The following DPP10 variants were observed in gnomAD, a reference collection of about 807,000 sequenced individuals.
DPP10 encodes inactive dipeptidyl peptidase 10.
DPP10 carries 33 observed loss-of-function variants against 120.9 expected under a neutral mutation model. The observed-to-expected ratio is 0.27, with a 90% CI of 0.21 to 0.37. The LOEUF (loss-of-function observed/expected upper bound fraction) is 0.37, where lower values mean the gene tolerates loss of function less well. Among genes scored for constraint, DPP10 ranks in the 10% least tolerant of loss-of-function variants. DPP10 has a pLI of 1.00. For synonymous variants in DPP10, 337 were observed against 326.1 expected, an observed-to-expected ratio of 1.03 and a Z score of -0.36; for missense variants, 816 against 942.8, an observed-to-expected ratio of 0.87 and a Z score of 1.76.
intron 1 of DPP10, among the ~76,000 whole-genome samples, chr2:114,747,686 TC>T (rs899872796): frequency 2.6e-5 from 4 of 152,234 alleles, no homozygotes; most frequent in African/African-American, 9.6e-5. Flanking sequence ...GTTTGTTCTT[TC>T]TTCTCTGGAT....
rs1235496342 is a variant in DPP10, at chr2:114,641,816, T to C, written c.60+198978T>C. ...TCAAATTATATTTTGTCTTTTTTTA[T>C]ACTGCTTATAGATCATAATTAAATA... On this transcript the variant is annotated intron_variant, in intron 1 of 25. Coordinates refer to ENST00000410059, the MANE Select transcript of DPP10 (RefSeq NM_020868.6). 2.6e-5 allele frequency among the ~76,000 whole-genome samples: 4 copies of C among 151,984 alleles called. No homozygotes were observed. In the East Asian group the frequency reaches 7.7e-4, roughly 29 times the overall value.
chr2:114,999,586 G>C (rs1701307311), intron 1 of DPP10, among the ~76,000 whole-genome samples: 1 of 152,050 alleles, frequency 6.6e-6, no homozygotes, highest in South Asian at 2.1e-4. Flanking sequence ...CTCACCTCCT[G>C]TCCTTTCTTA....
chr2:115,299,413 G>T (rs1454357246), intron 1 of DPP10, among the ~76,000 whole-genome samples: 1 of 151,962 alleles, frequency 6.6e-6, no homozygotes, highest in African/African-American at 2.4e-5. Context: ...GGCTTCAGCA[G>T]TGAAAGGATT....
chr2:114,900,472 A>G (rs191983980), intron 1 of DPP10, among the ~76,000 whole-genome samples: 1 of 152,330 alleles, frequency 6.6e-6, no homozygotes, highest in African/African-American at 2.4e-5. Flanking sequence ...AGGAAATTGA[A>G]CACATATTTA....
intron 13 of DPP10, 39 bp downstream of exon 13, chr2:115,768,443 C>T: frequency 3.8e-6 from 6 of 1,569,076 alleles, no homozygotes; most frequent in Middle Eastern, 1.7e-4. Context: ...ATTTCATTGT[C>T]CTCATGTCCC....
chr2:115,459,960 C>T (rs2073892084), intron 3 of DPP10, among the ~76,000 whole-genome samples: 1 of 143,222 alleles, frequency 7.0e-6, no homozygotes, highest in Non-Finnish European at 1.5e-5. Flanking sequence ...CCTTTGTTTG[C>T]ATTATTATAC....
Position 115,500,706 on chromosome 2 carries a change from G to A in DPP10, c.366+1102G>A, listed in dbSNP as rs568563832. Among the ~76,000 whole-genome samples, 3 of 152,076 alleles carry A rather than the reference G, an allele frequency of 2.0e-5. No individual in the cohort carries two copies. The East Asian group carries it at 5.8e-4, about 29-fold the overall frequency. ...TTTAAACTAATTACAGGGAATCAAAGAATAGTTACTTTGTGTGCAACTCTT... is the reference window on the plus strand; with the variant it reads ...TTTAAACTAATTACAGGGAATCAAAAAATAGTTACTTTGTGTGCAACTCTT... On this transcript the variant is annotated intron_variant, in intron 4 of 25. Transcript: ENST00000410059.
intron 3 of DPP10, among the ~76,000 whole-genome samples, chr2:115,395,352 CTTAAT>C (rs1171041908): frequency 6.6e-6 from 1 of 152,130 alleles, no homozygotes; most frequent in Admixed American, 6.5e-5. Flanking sequence ...CTAATTTTAA[CTTAAT>C]TTCTCTTTAA....
intron 7 of DPP10, among the ~76,000 whole-genome samples, chr2:115,696,138 T>C (rs1305957326): frequency 6.6e-6 from 1 of 151,906 alleles, no homozygotes; most frequent in Non-Finnish European, 1.5e-5. Flanking sequence ...TGGGGCAACA[T>C]AAGGATTATG....
chr2:115,108,591 T>G (rs1303542438), intron 1 of DPP10, among the ~76,000 whole-genome samples: 5 of 152,208 alleles, frequency 3.3e-5, no homozygotes, highest in Non-Finnish European at 7.3e-5. Context: ...TAAGCCAATT[T>G]AAAACCTGTG....
chr2:115,396,007 G>A (rs936251589), intron 3 of DPP10, among the ~76,000 whole-genome samples: 5 of 152,158 alleles, frequency 3.3e-5, no homozygotes, highest in African/African-American at 7.2e-5. Flanking sequence ...TTTAATTGGC[G>A]TGAATTTCCA....
intron 19 of DPP10, among the ~76,000 whole-genome samples, chr2:115,793,022 T>C (rs920327512): frequency 5.9e-5 from 9 of 152,224 alleles, no homozygotes; most frequent in African/African-American, 2.2e-4. Context: ...TAACAGAATC[T>C]CTTTGTTTTC....
At chr2:115,303,192 A>G (rs949660296) in intron 1 of DPP10, among the ~76,000 whole-genome samples, 4 of 151,944 alleles carry the variant, frequency 2.6e-5, no homozygotes, top group African/African-American at 9.7e-5. Flanking sequence ...TATTCAGATG[A>G]CACGAACTTA....
intron 1 of DPP10, among the ~76,000 whole-genome samples, chr2:114,443,274 C>T (rs542364102): frequency 1.3e-5 from 2 of 152,154 alleles, no homozygotes; most frequent in South Asian, 4.2e-4. Context: ...AAAGCTCATC[C>T]TTCATTGTGA....
At chr2:115,422,993 T>G (rs2070120203) in intron 3 of DPP10, among the ~76,000 whole-genome samples, 1 of 152,114 alleles carries the variant, frequency 6.6e-6, no homozygotes, top group African/African-American at 2.4e-5. Context: ...ACTGTCCAAC[T>G]GAAATATACT....
intron 3 of DPP10, among the ~76,000 whole-genome samples, chr2:115,391,677 T>C (rs2067325650): frequency 6.6e-6 from 1 of 151,882 alleles, no homozygotes. Flanking sequence ...TAAATAAGCA[T>C]TTATTATAAT....
intron 7 of DPP10, among the ~76,000 whole-genome samples, chr2:115,702,533 T>G (rs1313999144): frequency 6.6e-6 from 1 of 152,056 alleles, no homozygotes; most frequent in Non-Finnish European, 1.5e-5. Flanking sequence ...CAAGAAGAAA[T>G]GAAGCACTGA....
intron 1 of DPP10, among the ~76,000 whole-genome samples, chr2:114,724,433 A>C (rs1350850478): frequency 6.6e-6 from 1 of 152,232 alleles, no homozygotes; most frequent in African/African-American, 2.4e-5. Flanking sequence ...AGGAAGAGAC[A>C]GTCTCTGGCA....
intron 1 of DPP10, among the ~76,000 whole-genome samples, chr2:115,075,720 T>TA (rs1282310400): frequency 6.6e-6 from 1 of 151,580 alleles, no homozygotes; most frequent in East Asian, 1.9e-4. Flanking sequence ...TTTTTTTTTT[T>TA]AATGTTAGGC....
Sources: gnomAD v4.1 joint callset for allele counts (sites outside exome capture counted in the v4.1 genomes callset) on GRCh38, gnomAD v4.1.1 for gene constraint, MANE v1.5 for transcripts, NCBI Gene and HGNC (gene_info 2026-07-23, HGNC 2026-07-21) for gene names.